Variants in MCOLN2 observed in about 807,000 individuals in gnomAD.
MCOLN2 encodes mucolipin TRP cation channel 2.
In MCOLN2, 57 loss-of-function variants were observed where a neutral mutation model predicts 67.5. The ratio of observed to expected loss-of-function variants is 0.84; its 90% CI spans 0.68 to 1.05. The LOEUF (loss-of-function observed/expected upper bound fraction) is 1.05, where lower values mean the gene tolerates loss of function less well. Among genes scored for constraint, MCOLN2 ranks in the 50% least tolerant of loss-of-function variants. MCOLN2 has a pLI of 0.00. For missense variants in MCOLN2, 620 were observed against 678.8 expected (o/e 0.91, Z 0.96); for synonymous variants, 246 against 233.3 (o/e 1.05, Z -0.50).
intron 1 of MCOLN2, 75 bp from the exon 2 acceptor site, chr1:84,965,783 T>A: frequency 7.1e-7 from 1 of 1,402,122 alleles, no homozygotes; most frequent in Non-Finnish European, 9.8e-7. Context: ...TTGCTTTCCC[T>A]AAACTTGAGT....
At chr1:84,947,539 G>A (rs960056507) in intron 6 of MCOLN2, among the ~76,000 whole-genome samples, 1 of 152,158 alleles carries the variant, frequency 6.6e-6, no homozygotes, top group Non-Finnish European at 1.5e-5. Flanking sequence ...ATAGGAAAAC[G>A]TTAGGCTAGA....
At position 84,947,120 on chromosome 1, in the gene MCOLN2, T is replaced by A. The variant is rs139764585; in HGVS notation, c.760A>T (p.Asn254Tyr). 108 of 1,558,448 alleles carry A rather than the reference T, an allele frequency of 6.9e-5. 1 individual carries two copies. The African/African-American group carries it at 1.2e-3, about 17-fold the overall frequency. The change falls in exon 7 of 14, where the codon AAT (asparagine) becomes TAT (tyrosine). Residue 254 changes from asparagine (N) to tyrosine (Y), a missense_variant. Asn to Tyr is a moderately radical substitution (Grantham distance 143, BLOSUM62 -2). Coordinates refer to ENST00000370608, the MANE Select transcript of MCOLN2 (RefSeq NM_153259.4). ...TTGATTTTGCCACTGTGAGCTTTAT[T>A]GTCAAAGATAATCTGGAGACACAAA... ...YVFQNTIIFD[N>Y]KAHSGKIKIY...
At chr1:84,995,976 G>C (rs1467746101) in intron 1 of MCOLN2, among the ~76,000 whole-genome samples, 2 of 152,076 alleles carry the variant, frequency 1.3e-5, no homozygotes, top group Non-Finnish European at 2.9e-5. Flanking sequence ...CACAGAAACT[G>C]ACCTATGAAC....
chr1:84,984,900 T>C (rs1571040248), intron 1 of MCOLN2, among the ~76,000 whole-genome samples: 1 of 151,890 alleles, frequency 6.6e-6, no homozygotes, highest in South Asian at 2.1e-4. Flanking sequence ...GAGGCTGAGG[T>C]GGGAGGATTG....
At chr1:84,966,004 G>C (rs1399093433) in intron 1 of MCOLN2, among the ~76,000 whole-genome samples, 1 of 152,116 alleles carries the variant, frequency 6.6e-6, no homozygotes, top group Non-Finnish European at 1.5e-5. Context: ...TGTAATCCCA[G>C]CACTTTGGGA....
At chr1:84,951,309 A>T (rs1041415088) in intron 6 of MCOLN2, among the ~76,000 whole-genome samples, 1 of 152,236 alleles carries the variant, frequency 6.6e-6, no homozygotes, top group African/African-American at 2.4e-5. Flanking sequence ...TTGCTAAAGG[A>T]CAGTATATAC....
rs1413552135 is a variant in MCOLN2, at chr1:84,956,469, G to A, written c.527C>T (p.Ser176Phe). The part of the protein sequence containing the change: ...QHYKKGTMFP[S>F]NETLNIDNDV... ...GTTGTCAATATTCAGTGTCTCATTA[G>A]AAGGAAACATGGTCCCTTTCTTGTA... Residue 176 changes from serine to phenylalanine, a missense_variant, in exon 4 of 14, where the codon TCT becomes TTT. Ser to Phe is a radical substitution (Grantham distance 155). Coordinates refer to ENST00000370608, the MANE Select transcript of MCOLN2 (RefSeq NM_153259.4). The A allele has an allele frequency of 1.2e-6, 2 of 1,611,222 alleles. No homozygotes were observed. Among genetic ancestry groups the A allele is most frequent in the Admixed American group, 3.4e-5 (2 of 59,346 alleles).
intron 1 of MCOLN2, among the ~76,000 whole-genome samples, chr1:84,975,834 A>T (rs1470320702): frequency 6.6e-6 from 1 of 152,170 alleles, no homozygotes; most frequent in Non-Finnish European, 1.5e-5. Flanking sequence ...AGAGATTGAC[A>T]TAATTAAAAA....
At chr1:84,966,787 G>C (rs933007565) in intron 1 of MCOLN2, among the ~76,000 whole-genome samples, 2 of 152,096 alleles carry the variant, frequency 1.3e-5, no homozygotes, top group Non-Finnish European at 2.9e-5. Context: ...AATGAGACAT[G>C]GTTCACAGGA....
intron 6 of MCOLN2, among the ~76,000 whole-genome samples, chr1:84,950,928 A>C (rs74098721): frequency 0.092 from 13,933 of 152,240 alleles, 1,115 homozygotes; most frequent in African/African-American, 0.22. Context: ...AAGTCCAAAG[A>C]ACAAAATAAA....
intron 2 of MCOLN2, among the ~76,000 whole-genome samples, chr1:84,963,411 A>G (rs1649196892): frequency 6.6e-6 from 1 of 152,232 alleles, no homozygotes; most frequent in East Asian, 1.9e-4. Flanking sequence ...GATAGTGAGT[A>G]TGGGAAAACA....
Position 84,926,269 on chromosome 1 carries a change from C to T in MCOLN2, c.*416G>A. 1 of 155,498 alleles carries T rather than the reference C, an allele frequency of 6.4e-6. No individual in the cohort carries two copies. The highest frequency in any genetic ancestry group is 1.4e-5 in the Non-Finnish European group (1 of 70,356). The allele number at this position is 155,498 out of a possible 1,614,324, so 9.6% of individuals were successfully genotyped here. ...GCAACCAGCTTCATTTCTGTACAGA[C>T]CATGAATTAACAAATGTCTTCAAAC... On this transcript the variant is annotated 3_prime_UTR_variant, in exon 14 of 14. Coordinates refer to ENST00000370608, the MANE Select transcript of MCOLN2 (RefSeq NM_153259.4).
intron 2 of MCOLN2, among the ~76,000 whole-genome samples, chr1:84,959,517 C>T (rs1474863245): frequency 6.6e-6 from 1 of 152,090 alleles, no homozygotes; most frequent in Non-Finnish European, 1.5e-5. Flanking sequence ...ACCTAGGAAA[C>T]TACACACACA....
intron 1 of MCOLN2, 118 bp from the exon 2 acceptor site, chr1:84,965,826 C>G (rs1462679480): frequency 5.1e-6 from 4 of 790,928 alleles, no homozygotes; most frequent in Non-Finnish European, 5.7e-6. Flanking sequence ...ACTGAAAAGC[C>G]TCTTTATGAA....
rs1391919448 is a variant in MCOLN2 at position 84,997,090 on chromosome 1, G to A, written c.-218C>T. 1.2e-5 allele frequency: 7 copies of A among 575,436 alleles called. No individual in the cohort carries two copies. Among genetic ancestry groups the A allele is most frequent in the Non-Finnish European group, 2.1e-5 (7 of 325,666 alleles). The allele number at this position is 575,436 out of a possible 1,614,324, so 35.6% of individuals were successfully genotyped here. On this transcript the variant is annotated 5_prime_UTR_variant, in exon 1 of 14. Coordinates refer to ENST00000370608, the MANE Select transcript of MCOLN2 (RefSeq NM_153259.4). ...CGTGGAGTGCGGCGGGCAGTTCTCG[G>A]GCGGCTGAAAGGCGGCTCTGTGTGC...
chr1:84,973,370 C>T (rs1438305724), intron 1 of MCOLN2, among the ~76,000 whole-genome samples: 3 of 152,004 alleles, frequency 2.0e-5, no homozygotes, highest in Non-Finnish European at 2.9e-5. Context: ...CCCAGCTACT[C>T]GGGAGGCAGA....
chr1:84,952,002 G>A (rs185899888), intron 6 of MCOLN2, among the ~76,000 whole-genome samples: 133 of 152,236 alleles, frequency 8.7e-4, no homozygotes, highest in African/African-American at 2.0e-3. Flanking sequence ...CATGAGAATC[G>A]TTTGAATCTG....
In MCOLN2 at chr1:84,958,642, C is replaced by T; in HGVS notation, c.298G>A (p.Ala100Thr). Reference sequence around the variant, plus strand: ...CCTTTCAAAAACAAGTGCTTAAAAGCAACAGTGTTATCTTCTTTGAAAGCA... The same window carrying T: ...CCTTTCAAAAACAAGTGCTTAAAAGTAACAGTGTTATCTTCTTTGAAAGCA... ...VVAFKEDNTV[A>T]FKHLFLKGYS... The change falls in exon 3 of 14, where the codon GCT becomes ACT. Residue 100 changes from alanine (A) to threonine (T), a missense_variant. By Grantham distance (58) the Ala-to-Thr change is moderately conservative. Coordinates refer to ENST00000370608, the MANE Select transcript of MCOLN2 (RefSeq NM_153259.4). 2 of 1,610,004 alleles carry T rather than the reference C, an allele frequency of 1.2e-6. No individual in the cohort carries two copies. Among genetic ancestry groups the T allele is most frequent in the Non-Finnish European group, 8.5e-7 (1 of 1,179,190 alleles).
In MCOLN2 at chr1:84,987,584, A is replaced by ATACATCGATG. The variant is rs1557666025; in HGVS notation, c.77+9211_77+9212insCATCGATGTA. ...TGTATACATAGATGTATACATAGATATATACATATGTATATAGATGTATAT... is the reference window on the plus strand; with the variant it reads ...TGTATACATAGATGTATACATAGATATACATCGATGTATACATATGTATATAGATGTATAT... On this transcript the variant is annotated intron_variant, in intron 1 of 13. Coordinates refer to ENST00000370608, the MANE Select transcript of MCOLN2 (RefSeq NM_153259.4). Among the ~76,000 whole-genome samples the ATACATCGATG allele has an allele frequency of 1.4e-4, 8 of 58,782 alleles. 1 individual carries two copies. Among genetic ancestry groups the ATACATCGATG allele is most frequent in the African/African-American group, 4.2e-4 (7 of 16,620 alleles). The allele number at this position is 58,782 out of a possible 152,430, so 38.6% of individuals were successfully genotyped here.
Sources: gnomAD v4.1 joint callset for allele counts (sites outside exome capture counted in the v4.1 genomes callset) on GRCh38, gnomAD v4.1.1 for gene constraint, MANE v1.5 for transcripts, NCBI Gene and HGNC (gene_info 2026-07-23, HGNC 2026-07-21) for gene names.